The following CIMIP2A variants were observed in gnomAD, a reference collection of about 807,000 sequenced individuals.
CIMIP2A encodes the protein family with sequence similarity 166 member A.
At chr9:137,244,574 G>A in the CIMIP2A span, 2 of 1,589,270 alleles carry the variant, frequency 1.3e-6, no homozygotes, top group Admixed American at 1.7e-5. Context: ...ACCCTCCAGG[G>A]AAGCTGCCAG....
the CIMIP2A span, chr9:137,251,518 G>A: frequency 4.1e-6 from 4 of 979,772 alleles, no homozygotes; most frequent in Admixed American, 8.5e-5. Flanking sequence ...TGTGGGGACA[G>A]GCTGTGGGGC....
At chr9:137,246,421 C>G in the CIMIP2A span, among the ~76,000 whole-genome samples, 1 of 152,202 alleles carries the variant, frequency 6.6e-6, no homozygotes, top group Non-Finnish European at 1.5e-5. Context: ...GGTTCAGCGC[C>G]TCAGGGTCTA....
chr9:137,252,655 CT>C, the CIMIP2A span: 1 of 1,539,362 alleles, frequency 6.5e-7, no homozygotes, highest in Non-Finnish European at 8.8e-7. Flanking sequence ...CTCCTACCCC[CT>C]CGCAGTGGCC....
At chr9:137,252,292 G>A in the CIMIP2A span, 1 of 1,333,714 alleles carries the variant, frequency 7.5e-7, no homozygotes, top group Non-Finnish European at 1.0e-6. Flanking sequence ...GGCCTGGAGA[G>A]AGGAGGGCTA....
the CIMIP2A span, chr9:137,245,847 G>A: frequency 2.0e-4 from 305 of 1,506,768 alleles, no homozygotes; most frequent in African/African-American, 2.8e-3. Context: ...GAAAGAAGCC[G>A]GCATAGCTGT....
At chr9:137,253,338 C>T in the CIMIP2A span, 8 of 1,546,742 alleles carry the variant, frequency 5.2e-6, no homozygotes, top group East Asian at 2.0e-4. Flanking sequence ...ACTTGGGGCC[C>T]CAGCCTGGCC....
the CIMIP2A span, chr9:137,245,594 GCAGGCGGGCA>G: frequency 6.2e-7 from 1 of 1,613,570 alleles, no homozygotes; most frequent in Non-Finnish European, 8.5e-7. Flanking sequence ...GCCGGGACAG[GCAGGCGGGCA>G]CAGGAGGGTG....
the CIMIP2A span, chr9:137,243,724 C>G: frequency 8.7e-6 from 14 of 1,614,154 alleles, no homozygotes; most frequent in African/African-American, 1.9e-4. Flanking sequence ...TTCGCTTTGC[C>G]CATTCCTTCC....
chr9:137,243,911 C>G, the CIMIP2A span: 1 of 1,155,478 alleles, frequency 8.7e-7, no homozygotes, highest in Non-Finnish European at 1.3e-6. Context: ...TGGTGGGGAA[C>G]TTGCTTGTTG....
At chr9:137,245,051 G>A in the CIMIP2A span, 5 of 1,610,086 alleles carry the variant, frequency 3.1e-6, no homozygotes, top group Middle Eastern at 1.6e-4. Context: ...TTGTGGGGAG[G>A]GGCGGCCTTC....
At chr9:137,253,084 G>A in the CIMIP2A span, 2 of 1,544,730 alleles carry the variant, frequency 1.3e-6, no homozygotes, top group East Asian at 2.3e-5. Context: ...GCTGCTACCT[G>A]GGTGGGGCTC....
the CIMIP2A span, chr9:137,252,560 A>G: frequency 1.2e-5 from 11 of 905,546 alleles, no homozygotes; most frequent in Non-Finnish European, 1.8e-5. Context: ...CGGGGAGTCC[A>G]CGCAGGCAGG....
At chr9:137,245,336 G>C in the CIMIP2A span, 1 of 1,600,326 alleles carries the variant, frequency 6.2e-7, no homozygotes, top group East Asian at 2.2e-5. Flanking sequence ...TCGCAAACAG[G>C]AGTGGCGCTC....
At chr9:137,244,509 G>T in the CIMIP2A span, 7 of 1,505,566 alleles carry the variant, frequency 4.6e-6, no homozygotes, top group Non-Finnish European at 6.2e-6. Flanking sequence ...GGGGACAGGA[G>T]AGAGCCAGGC....
the CIMIP2A span, chr9:137,244,649 T>C: frequency 3.7e-6 from 6 of 1,613,728 alleles, no homozygotes; most frequent in Non-Finnish European, 4.2e-6. Context: ...TACCTGGCTC[T>C]TGTCGAATTC....
At chr9:137,245,900 C>A in the CIMIP2A span, 2 of 1,408,080 alleles carry the variant, frequency 1.4e-6, no homozygotes, top group South Asian at 1.6e-5. Context: ...AGGGCAGCCC[C>A]AGCACTGGGC....
At chr9:137,244,345 A>G in the CIMIP2A span, 1 of 1,608,660 alleles carries the variant, frequency 6.2e-7, no homozygotes, top group Non-Finnish European at 8.5e-7. Flanking sequence ...ACAGATAGTC[A>G]AGTTGTCCCA....
At chr9:137,244,926 C>T in the CIMIP2A span, 1 of 1,598,638 alleles carries the variant, frequency 6.3e-7, no homozygotes, top group South Asian at 1.1e-5. Flanking sequence ...AAAAGCTGGG[C>T]TCCTGGAAGC....
At chr9:137,252,761 A>T in the CIMIP2A span, 3 of 1,560,988 alleles carry the variant, frequency 1.9e-6, no homozygotes, top group Non-Finnish European at 2.6e-6. Context: ...TGAAGGCCAC[A>T]CCCACCTAGG....
Sources: allele counts gnomAD v4.1 joint callset (sites outside exome capture counted in the v4.1 genomes callset), GRCh38; gene constraint gnomAD v4.1.1; transcripts MANE v1.5; gene names NCBI Gene and HGNC (gene_info 2026-07-23, HGNC 2026-07-21).